Variants in EIF4E3 observed in about 807,000 individuals in gnomAD.
EIF4E3 encodes eukaryotic translation initiation factor 4E type 3.
A neutral mutation model predicts 31.7 loss-of-function variants in EIF4E3; 26 were observed. The ratio of observed to expected loss-of-function variants is 0.82; its 90% confidence interval spans 0.60 to 1.14. EIF4E3 has a LOEUF of 1.14. EIF4E3 is among the 50% of genes most tolerant of loss of function. The pLI, the probability that EIF4E3 is intolerant of heterozygous loss-of-function variation, is 0.00. For synonymous variants in EIF4E3, 128 were observed against 107.7 expected (o/e 1.19, Z -1.17); for missense variants, 304 against 270.9 (o/e 1.12, Z -0.86).
Position 71,678,724 on chromosome 3 carries a change from T to C in EIF4E3, c.*5958A>G, listed in dbSNP as rs2048892684. On this transcript the variant is annotated 3_prime_UTR_variant, in exon 7 of 7. Transcript: ENST00000425534. ...CCCCAACTGCACAGGGCACAGATGG[T>C]ATAAAATAGGGGGGTGGGGGCACAA... 1 of 152,098 alleles carries C rather than the reference T, an allele frequency of 6.6e-6. No homozygotes were observed. The highest frequency in any genetic ancestry group is 2.4e-5 in the African/African-American group (1 of 41,356). 9.4% of individuals were successfully genotyped at this position (152,098 alleles called of 1,614,324 possible). A position where few individuals can be genotyped will look rare whatever the true frequency, so the allele number is the denominator to read the frequency against.
upstream of EIF4E3, chr3:71,754,550 G>A (rs1400920081): frequency 2.2e-6 from 3 of 1,357,806 alleles, no homozygotes; most frequent in African/African-American, 3.1e-5. This position sits in a 1 kb window ranked among gnomAD's most constrained non-coding sequence, Gnocchi z 5.8. Flanking sequence ...GCGACGACGA[G>A]GACGCGCCGT....
downstream of EIF4E3, among the ~76,000 whole-genome samples, chr3:71,671,804 C>A (rs1049406054): frequency 6.8e-6 from 1 of 147,162 alleles, no homozygotes; most frequent in Non-Finnish European, 1.5e-5. Context: ...TATAAACCCT[C>A]CATTTTTTTT....
At chr3:71,754,431 C>A, upstream of EIF4E3, 1 of 1,348,026 alleles carries the variant, frequency 7.4e-7, no homozygotes, top group Non-Finnish European at 9.6e-7. The surrounding 1 kb of genome is among the most constrained non-coding windows in gnomAD (Gnocchi z 5.8). Flanking sequence ...CGCGCACCAC[C>A]GCTTCTATGC....
At chr3:71,697,403 T>A (rs557738229) in intron 3 of EIF4E3, among the ~76,000 whole-genome samples, 20 of 152,222 alleles carry the variant, frequency 1.3e-4, no homozygotes, top group Non-Finnish European at 2.4e-4. Flanking sequence ...ACCTCGAGTC[T>A]TTATCATTTC....
intron 3 of EIF4E3, among the ~76,000 whole-genome samples, chr3:71,696,860 C>T (rs535370170): frequency 7.9e-5 from 12 of 151,752 alleles, no homozygotes; most frequent in South Asian, 6.3e-4. Flanking sequence ...GGACTACAGG[C>T]GTCCGCCACC....
At chr3:71,686,442 A>G (rs2048992450) in intron 6 of EIF4E3, among the ~76,000 whole-genome samples, 1 of 152,106 alleles carries the variant, frequency 6.6e-6, no homozygotes, top group African/African-American at 2.4e-5. Flanking sequence ...TATACCTCCC[A>G]GGTCACCTCA....
At chr3:71,729,081 C>T (rs1417725899), upstream of EIF4E3, 1 of 152,238 alleles carries the variant, frequency 6.6e-6, no homozygotes, top group East Asian at 1.9e-4. Context: ...AACCTGAGCA[C>T]TCATATGCAA....
chr3:71,692,979 T>A (rs936433304), intron 5 of EIF4E3, among the ~76,000 whole-genome samples: 1 of 152,120 alleles, frequency 6.6e-6, no homozygotes, highest in African/African-American at 2.4e-5. Context: ...ACGAGATGAA[T>A]CTGAAATGTG....
chr3:71,725,201 C>A lies in EIF4E3; in HGVS notation c.167G>T (p.Trp56Leu). 1 of 1,123,764 alleles carries A rather than the reference C, an allele frequency of 8.9e-7. No homozygotes were observed. The highest frequency in any genetic ancestry group is 2.6e-5 in the South Asian group (1 of 37,856). The allele number at this position is 1,123,764 out of a possible 1,614,324, so 69.6% of individuals were successfully genotyped here. The change falls in exon 1 of 7, where the codon TGG (tryptophan) becomes TTG (leucine). Residue 56 changes from tryptophan (W) to leucine (L), a missense_variant. Trp to Leu is a moderately conservative substitution (Grantham distance 61). Coordinates refer to ENST00000425534, the MANE Select transcript of EIF4E3 (RefSeq NM_001134651.2). The surrounding 1 kb of genome is among the most constrained non-coding windows in gnomAD (Gnocchi z 6.1). ...GVPLHSSWTF[W>L]LDRSLPGATA... ...CCCCGCGCCCCCTCACCTGTCGAGC[C>A]AGAAGGTCCAGGACGAGTGCAGCGG...
At chr3:71,747,977 A>G (rs2049890120) in intron 1 of EIF4E3, among the ~76,000 whole-genome samples, 1 of 152,220 alleles carries the variant, frequency 6.6e-6, no homozygotes, top group South Asian at 2.1e-4. Context: ...CAATATTTTG[A>G]GATATGCAGT....
chr3:71,734,194 G>C (rs1441062394), intron 1 of EIF4E3, among the ~76,000 whole-genome samples: 1 of 152,186 alleles, frequency 6.6e-6, no homozygotes, highest in Non-Finnish European at 1.5e-5. Flanking sequence ...AGGCTAAAAA[G>C]ATGCACATAT....
chr3:71,690,392 T>C (rs570732407), intron 5 of EIF4E3, among the ~76,000 whole-genome samples: 1 of 152,230 alleles, frequency 6.6e-6, no homozygotes, highest in Non-Finnish European at 1.5e-5. Context: ...GGGACTTAGA[T>C]AAAGTGTTCC....
At chr3:71,726,027 A>G (rs2049633989), upstream of EIF4E3, among the ~76,000 whole-genome samples, 1 of 152,100 alleles carries the variant, frequency 6.6e-6, no homozygotes, top group Non-Finnish European at 1.5e-5. Context: ...GGCGAGAAAG[A>G]AGAACGAACA....
rs1359570517 is a variant in EIF4E3 at position 71,676,779 on chromosome 3, T to C, written c.*7903A>G. ...AAAAAAATTCTGAAAAACAGTCTTGTCCTTTATAACTTGACTATCTTCATG... is the reference window on the plus strand; with the variant it reads ...AAAAAAATTCTGAAAAACAGTCTTGCCCTTTATAACTTGACTATCTTCATG... On this transcript the variant is annotated 3_prime_UTR_variant, in exon 7 of 7. Transcript: ENST00000425534. 3 of 152,126 alleles carry C rather than the reference T, an allele frequency of 2.0e-5. No homozygotes were observed. The highest frequency in any genetic ancestry group is 2.0e-4 in the Admixed American group (3 of 15,276). The allele number at this position is 152,126 out of a possible 1,614,324, so 9.4% of individuals were successfully genotyped here. A position where few individuals can be genotyped will look rare whatever the true frequency, so the allele number is the denominator to read the frequency against.
At chr3:71,699,871 G>A (rs933788365) in intron 2 of EIF4E3, among the ~76,000 whole-genome samples, 163 bp from the exon 3 acceptor site, 2 of 152,122 alleles carry the variant, frequency 1.3e-5, no homozygotes, top group African/African-American at 2.4e-5. Context: ...GTTAGAAAAT[G>A]TAATATAACA....
At chr3:71,723,742 T>G (rs2049586048) in intron 1 of EIF4E3, among the ~76,000 whole-genome samples, 2 of 152,196 alleles carry the variant, frequency 1.3e-5, no homozygotes, top group South Asian at 4.1e-4. Flanking sequence ...GCAGCACACC[T>G]ATGAAAACAG....
downstream of EIF4E3, among the ~76,000 whole-genome samples, chr3:71,671,268 AG>A (rs796147620): frequency 2.0e-5 from 3 of 152,016 alleles, no homozygotes; most frequent in African/African-American, 4.8e-5. Context: ...TTTGGGGAGG[AG>A]GGGGCCTTGG....
At chr3:71,674,788 TC>T (rs1443192168), downstream of EIF4E3, among the ~76,000 whole-genome samples, 1 of 152,164 alleles carries the variant, frequency 6.6e-6, no homozygotes, top group East Asian at 1.9e-4. Flanking sequence ...CTTTACCACA[TC>T]CAAAGGGCTG....
rs2048936869 is a variant in EIF4E3 at position 71,682,595 on chromosome 3, G to A, written c.*2087C>T. 2 of 152,398 alleles carry A rather than the reference G, an allele frequency of 1.3e-5. No homozygotes were observed. The highest frequency in any genetic ancestry group is 1.3e-4 in the Admixed American group (2 of 15,268). 9.4% of individuals were successfully genotyped at this position (152,398 alleles called of 1,614,324 possible). On this transcript the variant is annotated 3_prime_UTR_variant, in exon 7 of 7. Transcript: ENST00000425534. ...TTAGATGATAGGTTTTTAACATTAG[G>A]CAAATTAAATCCTTCTCACAGTTGG...
Sources: allele counts gnomAD v4.1 joint callset (sites outside exome capture counted in the v4.1 genomes callset), GRCh38; gene constraint gnomAD v4.1.1; non-coding constraint Gnocchi (gnomAD v3.1); transcripts MANE v1.5; gene names NCBI Gene and HGNC (gene_info 2026-07-23, HGNC 2026-07-21).